The following IFT52 variants were observed in gnomAD, a reference collection of about 807,000 sequenced individuals.
IFT52 encodes the protein intraflagellar transport protein 52 homolog.
In IFT52, 44 loss-of-function variants were observed where a neutral mutation model predicts 54.4. That is an observed-to-expected ratio of 0.81 (90% CI 0.63 to 1.04). IFT52 has a LOEUF of 1.04. IFT52 is among the 50% of genes least tolerant of loss of function. The pLI is 0.00. For missense variants in IFT52, 452 were observed against 523.6 expected, an observed-to-expected ratio of 0.86 and a Z score of 1.33; for synonymous variants, 181 against 185.3, an observed-to-expected ratio of 0.98 and a Z score of 0.19.
In IFT52 at chr20:43,637,545, G is replaced by A. The variant is rs189051317; in HGVS notation, c.1120+292G>A. On this transcript the variant is annotated intron_variant, in intron 12 of 13. Coordinates refer to ENST00000373030, the MANE Select transcript of IFT52 (RefSeq NM_016004.5). ...CCCAGAGTGCTGGGATTACAGGCGT[G>A]AGCCACCATGCCTGGCCTAAGTTTG... Among the ~76,000 whole-genome samples the A allele has an allele frequency of 7.1e-3, 1,079 of 152,302 alleles. 16 individuals carry two copies. Among genetic ancestry groups the A allele is most frequent in the African/African-American group, 0.025 (1,021 of 41,568 alleles).
rs1458216688 is a variant in IFT52, at chr20:43,642,563, A to T, written c.1205A>T (p.Asp402Val). ...AGTAAACTACCAAAGGACCAACAGG[A>T]TGCCAAACATATCCTTGAGCACGTC... ...VTSKLPKDQQ[D>V]AKHILEHVFF... The change falls in exon 13 of 14, where the codon GAT becomes GTT. Residue 402 changes from aspartate to valine, a missense_variant. Physicochemically the swap from Asp to Val is radical, Grantham distance 152. Transcript: ENST00000373030. 3 of 1,614,088 alleles carry T rather than the reference A, an allele frequency of 1.9e-6. No homozygotes were observed. Among genetic ancestry groups the T allele is most frequent in the East Asian group, 4.5e-5 (2 of 44,898 alleles).
At chr20:43,603,952 C>T (rs7273553) in intron 4 of IFT52, 63 bp downstream of exon 4, 15 of 1,189,822 alleles carry the variant, frequency 1.3e-5, no homozygotes, top group Non-Finnish European at 1.8e-5. Flanking sequence ...GATATCATAG[C>T]CCTCTAGGTC....
chr20:43,635,558 A>C (rs113093924), intron 10 of IFT52, among the ~76,000 whole-genome samples: 19,028 of 152,138 alleles, frequency 0.13, 1,636 homozygotes, highest in Non-Finnish European at 0.19. Context: ...CGGCCTCCCA[A>C]AGTGCTAAGA....
intron 12 of IFT52, among the ~76,000 whole-genome samples, chr20:43,637,791 G>T (rs1251846891): frequency 2.6e-5 from 4 of 152,130 alleles, no homozygotes; most frequent in African/African-American, 9.7e-5. Flanking sequence ...AAAGCCAAAG[G>T]TCTCAGCTTT....
chr20:43,615,834 C>T (rs1983816032), intron 7 of IFT52, among the ~76,000 whole-genome samples: 1 of 152,134 alleles, frequency 6.6e-6, no homozygotes, highest in Non-Finnish European at 1.5e-5. Flanking sequence ...CCCAGCTACT[C>T]AGGAAGCTGA....
chr20:43,601,989 C>G lies in IFT52; in HGVS notation c.208-1771C>G, dbSNP rs1019272249. On this transcript the variant is annotated intron_variant, in intron 3 of 13. Coordinates refer to ENST00000373030, the MANE Select transcript of IFT52 (RefSeq NM_016004.5). ...ATCAAAGTCAAATAGCACATGATCTCTCCACTCAAGGAACCGATAGTCTAG... is the reference window on the plus strand; with the variant it reads ...ATCAAAGTCAAATAGCACATGATCTGTCCACTCAAGGAACCGATAGTCTAG... 2.0e-5 allele frequency among the ~76,000 whole-genome samples: 3 copies of G among 152,180 alleles called. 1 individual carries two copies. The highest frequency in any genetic ancestry group is 2.1e-4 in the South Asian group (1 of 4,826).
intron 10 of IFT52, among the ~76,000 whole-genome samples, chr20:43,624,320 GCA>G (rs1984565439): frequency 6.6e-6 from 1 of 152,132 alleles, no homozygotes; most frequent in African/African-American, 2.4e-5. Context: ...TCTGGTTTTA[GCA>G]CAGAGAGTCC....
intron 6 of IFT52, among the ~76,000 whole-genome samples, chr20:43,612,982 A>G (rs1983576451): frequency 6.6e-6 from 1 of 151,930 alleles, no homozygotes; most frequent in Non-Finnish European, 1.5e-5. Context: ...TCTGCACCCC[A>G]CCTTTGCTCC....
intron 10 of IFT52, among the ~76,000 whole-genome samples, chr20:43,624,793 A>T (rs2145643801): frequency 6.6e-6 from 1 of 152,270 alleles, no homozygotes; most frequent in South Asian, 2.1e-4. Context: ...CACTGTTTCT[A>T]ACCTGAATTT....
intron 7 of IFT52, among the ~76,000 whole-genome samples, chr20:43,618,606 C>T (rs765109020): frequency 1.8e-4 from 27 of 151,908 alleles, no homozygotes; most frequent in Non-Finnish European, 3.4e-4. Context: ...CTCAGCCTCC[C>T]GAGTAGCTGG....
In IFT52 at chr20:43,596,736, CTTTTTTTTTTT is replaced by C. The variant is rs59960911; in HGVS notation, c.207+227_207+237del. On this transcript the variant is annotated intron_variant, in intron 3 of 13. Coordinates refer to ENST00000373030, the MANE Select transcript of IFT52 (RefSeq NM_016004.5). ...GGCCAATTAAATATTAGCCACACTT[CTTTTTTTTTTT>C]TTTTTTTTTTTTGAGACAGAGTCTC... Among the ~76,000 whole-genome samples the C allele has an allele frequency of 9.1e-3, 694 of 75,966 alleles. 8 individuals are homozygous for C. Among genetic ancestry groups the C allele is most frequent in the African/African-American group, 0.033 (664 of 20,402 alleles). The allele number at this position is 75,966 out of a possible 152,430, so 49.8% of individuals were successfully genotyped here.
Position 43,603,808 on chromosome 20 carries a change from A to G in IFT52, c.256A>G (p.Met86Val). The G allele has an allele frequency of 6.2e-7, 1 of 1,607,874 alleles. No individual in the cohort carries two copies. The highest frequency in any genetic ancestry group is 8.5e-7 in the Non-Finnish European group (1 of 1,175,598). ...TGACACTGGTGGAGATGTCTTTGTG[A>G]TGCTAGGAGAAGGTGGAGAATCCAG... ...YLDTGGDVFV[M>V]LGEGGESRFD... Residue 86 changes from methionine to valine, a missense_variant, in exon 4 of 14, where the codon ATG (methionine) becomes GTG (valine). Transcript: ENST00000373030.
intron 3 of IFT52, among the ~76,000 whole-genome samples, chr20:43,602,047 A>G (rs1445724178): frequency 6.6e-6 from 1 of 152,210 alleles, no homozygotes; most frequent in Non-Finnish European, 1.5e-5. Flanking sequence ...TCTACCAATA[A>G]TGATCAATGT....
At chr20:43,635,674 C>A (rs113054763) in intron 10 of IFT52, among the ~76,000 whole-genome samples, 4,509 of 152,188 alleles carry the variant, frequency 0.03, 234 homozygotes, top group African/African-American at 0.093. Flanking sequence ...CATTGATGGG[C>A]ATTTGGGTTG....
At chr20:43,591,137 GC>G (rs1195857864) in intron 1 of IFT52, 83 bp downstream of exon 1, 1 of 152,308 alleles carries the variant, frequency 6.6e-6, no homozygotes, top group East Asian at 1.9e-4. Flanking sequence ...ACTCTTCGAG[GC>G]CGCTGGGCCG....
At chr20:43,623,079 G>C (rs1005257610) in intron 9 of IFT52, among the ~76,000 whole-genome samples, 1 of 152,050 alleles carries the variant, frequency 6.6e-6, no homozygotes, top group Non-Finnish European at 1.5e-5. Context: ...GGATGCTAGG[G>C]GGTGGGCACA....
chr20:43,603,447 T>G (rs1982612986), intron 3 of IFT52, among the ~76,000 whole-genome samples: 2 of 152,194 alleles, frequency 1.3e-5, no homozygotes, highest in South Asian at 2.1e-4. Context: ...AACTGGCATC[T>G]AGTAGGTGGA....
At chr20:43,594,552 G>C in intron 1 of IFT52, 141 bp from the exon 2 acceptor site, 1 of 601,332 alleles carries the variant, frequency 1.7e-6, no homozygotes, top group East Asian at 2.7e-5. Flanking sequence ...CTCAACCTTT[G>C]AGAATTGTAG....
rs532232173 is a variant in IFT52 at position 43,629,507 on chromosome 20, C to T, written c.923+5462C>T. 3.9e-5 allele frequency among the ~76,000 whole-genome samples: 6 copies of T among 152,226 alleles called. No individual in the cohort carries two copies. The East Asian group carries it at 5.8e-4, about 15-fold the overall frequency. ...CAGGATGGTCTCGATCTCCTGACCT[C>T]GTTATCTGCCCGCCTCGGCCTCCCA... On this transcript the variant is annotated intron_variant, in intron 10 of 13. Coordinates refer to ENST00000373030, the MANE Select transcript of IFT52 (RefSeq NM_016004.5).
Sources: allele counts gnomAD v4.1 joint callset (sites outside exome capture counted in the v4.1 genomes callset), GRCh38; gene constraint gnomAD v4.1.1; transcripts MANE v1.5; gene names NCBI Gene and HGNC (gene_info 2026-07-23, HGNC 2026-07-21).